The following GFRA2 variants were observed in gnomAD, a reference collection of about 807,000 sequenced individuals.
The protein encoded by GFRA2 is GDNF family receptor alpha-2.
A neutral mutation model predicts 48.3 loss-of-function variants in GFRA2; 17 were observed. The observed-to-expected ratio is 0.35, with a 90% CI of 0.24 to 0.53. GFRA2 has a LOEUF of 0.53. Among genes scored for constraint, GFRA2 ranks in the 20% least tolerant of loss-of-function variants. The probability of loss-of-function intolerance (pLI) is 0.93; values close to 1 mark genes in which losing one functional copy is unlikely to be tolerated. For synonymous variants in GFRA2, 305 were observed against 257.2 expected, an observed-to-expected ratio of 1.19 and a Z score of -1.78; for missense variants, 660 against 637.3, an observed-to-expected ratio of 1.04 and a Z score of -0.38.
intron 3 of GFRA2, among the ~76,000 whole-genome samples, chr8:21,772,623 C>G (rs1357017751): frequency 1.3e-5 from 2 of 152,184 alleles, no homozygotes; most frequent in Non-Finnish European, 2.9e-5. Context: ...CGGCACAGTC[C>G]CCAAAGCCCA....
chr8:21,774,223 C>A (rs1806578925), intron 3 of GFRA2, among the ~76,000 whole-genome samples: 1 of 151,316 alleles, frequency 6.6e-6, no homozygotes, highest in African/African-American at 2.4e-5. Context: ...CTGCCCTGGG[C>A]CCAGTGTCTC....
At chr8:21,707,703 A>T (rs1802818218) in intron 4 of GFRA2, among the ~76,000 whole-genome samples, 1 of 152,204 alleles carries the variant, frequency 6.6e-6, no homozygotes, top group Non-Finnish European at 1.5e-5. Context: ...GTATCAAATG[A>T]ATAAAAAGTA....
intron 4 of GFRA2, among the ~76,000 whole-genome samples, chr8:21,720,554 C>T (rs1455015437): frequency 3.3e-5 from 5 of 152,206 alleles, no homozygotes; most frequent in Non-Finnish European, 7.3e-5. Flanking sequence ...GATCCCCATC[C>T]ATGATCAGGA....
upstream of GFRA2, among the ~76,000 whole-genome samples, chr8:21,793,749 G>C (rs1481916510): frequency 6.6e-6 from 1 of 151,858 alleles, no homozygotes; most frequent in Non-Finnish European, 1.5e-5. Context: ...TATCGGACAA[G>C]AAAAGTGGCG....
intron 1 of GFRA2, among the ~76,000 whole-genome samples, chr8:21,786,536 T>C (rs1238237571): frequency 6.6e-6 from 1 of 151,842 alleles, no homozygotes; most frequent in Non-Finnish European, 1.5e-5. Flanking sequence ...AGAATGAGAG[T>C]CCACTTGCCA....
intron 4 of GFRA2, among the ~76,000 whole-genome samples, chr8:21,741,493 G>A (rs1341073249): frequency 2.6e-5 from 4 of 152,076 alleles, no homozygotes; most frequent in Non-Finnish European, 5.9e-5. Context: ...TTGTCTGTGT[G>A]CTTGCTCACC....
chr8:21,739,214 C>T (rs1056482093), intron 4 of GFRA2, among the ~76,000 whole-genome samples: 1 of 152,178 alleles, frequency 6.6e-6, no homozygotes, highest in African/African-American at 2.4e-5. Flanking sequence ...CTCACTGCTC[C>T]TTTGCTCATA....
At chr8:21,704,322 G>C (rs978648776) in intron 6 of GFRA2, among the ~76,000 whole-genome samples, 4 of 152,324 alleles carry the variant, frequency 2.6e-5, no homozygotes, top group African/African-American at 9.6e-5. Context: ...ACCCTGTGCA[G>C]ACCCCCCGCC....
At chr8:21,798,696 T>C (rs1441953068) in intron 2 of GFRA2, among the ~76,000 whole-genome samples, 1 of 152,156 alleles carries the variant, frequency 6.6e-6, no homozygotes, top group Non-Finnish European at 1.5e-5. Context: ...GCAGCCCACA[T>C]CCCATGGTGA....
rs779432456 is a variant in GFRA2 at position 21,777,676 on chromosome 8, GC to G, written c.356-2622del. 2.1e-3 allele frequency among the ~76,000 whole-genome samples: 318 copies of G among 152,328 alleles called. 1 individual carries two copies. The highest frequency in any genetic ancestry group is 3.4e-3 in the Middle Eastern group (1 of 294). Reference sequence around the variant, plus strand: ...AGCCCCCATGCAGCCAAGAGTGGCAGCCCCCTGTGTAAAAACTGGTGGTGGT... The same window carrying G: ...AGCCCCCATGCAGCCAAGAGTGGCAGCCCCTGTGTAAAAACTGGTGGTGGT... On this transcript the variant is annotated intron_variant, in intron 2 of 8. Coordinates refer to ENST00000524240, the MANE Select transcript of GFRA2 (RefSeq NM_001495.5).
At chr8:21,786,905 G>C (rs1807299182) in intron 1 of GFRA2, among the ~76,000 whole-genome samples, 1 of 152,130 alleles carries the variant, frequency 6.6e-6, no homozygotes, top group African/African-American at 2.4e-5. Flanking sequence ...ACCCCGCTGG[G>C]CAGCCTGGCT....
chr8:21,704,111 C>G (rs1802620930), intron 6 of GFRA2, among the ~76,000 whole-genome samples: 1 of 152,236 alleles, frequency 6.6e-6, no homozygotes. Context: ...TGTAGCAAGG[C>G]TACGTGATTG....
intron 4 of GFRA2, among the ~76,000 whole-genome samples, chr8:21,748,617 A>G (rs1408677372): frequency 6.6e-6 from 1 of 152,204 alleles, no homozygotes; most frequent in Admixed American, 6.5e-5. Context: ...TCTGAAATGT[A>G]TGGTTGTGTG....
intron 3 of GFRA2, among the ~76,000 whole-genome samples, chr8:21,764,529 C>T (rs560857957): frequency 3.3e-5 from 5 of 152,366 alleles, no homozygotes; most frequent in East Asian, 3.9e-4. Flanking sequence ...GAAATGCCCT[C>T]GCCTTGTCAC....
chr8:21,733,616 G>T (rs1804307070), intron 4 of GFRA2, among the ~76,000 whole-genome samples: 3 of 152,144 alleles, frequency 2.0e-5, no homozygotes, highest in Non-Finnish European at 4.4e-5. Context: ...CTGAGCCCGG[G>T]CCCACTGGAT....
At chr8:21,760,919 C>G (rs527413165) in intron 3 of GFRA2, among the ~76,000 whole-genome samples, 3 of 152,024 alleles carry the variant, frequency 2.0e-5, no homozygotes, top group African/African-American at 7.2e-5. Flanking sequence ...TCAACTGACA[C>G]CCCCCCAAAT....
chr8:21,707,181 T>C (rs1802790248), intron 4 of GFRA2, among the ~76,000 whole-genome samples: 1 of 152,226 alleles, frequency 6.6e-6, no homozygotes, highest in Non-Finnish European at 1.5e-5. Context: ...GAGAATTCTA[T>C]GGTGACTCGA....
At chr8:21,796,030 G>A (rs1158893337) in intron 2 of GFRA2, among the ~76,000 whole-genome samples, 7 of 152,216 alleles carry the variant, frequency 4.6e-5, no homozygotes, top group African/African-American at 9.6e-5. Flanking sequence ...CTCATTCCTC[G>A]CCTTCCCCCT....
chr8:21,722,969 C>A (rs984288615), intron 4 of GFRA2, among the ~76,000 whole-genome samples: 1 of 152,146 alleles, frequency 6.6e-6, no homozygotes, highest in African/African-American at 2.4e-5. Context: ...TCAGAGGGGA[C>A]ACAGCAGACC....
Sources: allele counts gnomAD v4.1 joint callset (sites outside exome capture counted in the v4.1 genomes callset), GRCh38; gene constraint gnomAD v4.1.1; transcripts MANE v1.5; gene names NCBI Gene and HGNC (gene_info 2026-07-23, HGNC 2026-07-21).